BICC1: variants seen among roughly 807,000 people sequenced by gnomAD.
BICC1 encodes the protein protein bicaudal C homolog 1.
Under a neutral mutation model 111.0 loss-of-function variants are expected in BICC1, and 43 were observed. The ratio of observed to expected loss-of-function variants is 0.39; its 90% CI spans 0.30 to 0.50. The LOEUF (loss-of-function observed/expected upper bound fraction) is 0.50. Among genes scored for constraint, BICC1 ranks in the 20% least tolerant of loss-of-function variants. The pLI, the probability that BICC1 is intolerant of heterozygous loss-of-function variation, is 0.88. For missense variants in BICC1, 1,091 were observed against 1,203.2 expected (o/e 0.91, Z 1.38); for synonymous variants, 467 against 434.4 (o/e 1.07, Z -0.93).
chr10:58,514,237 C>G (rs916586123), intron 1 of BICC1, among the ~76,000 whole-genome samples: 6 of 152,170 alleles, frequency 3.9e-5, no homozygotes, highest in African/African-American at 1.4e-4. Context: ...GCTCATTTCC[C>G]ACATCCAAAG....
rs1490492362 is a variant in BICC1, at chr10:58,800,245, G to A, written c.1777G>A (p.Val593Met). 1 of 1,612,336 alleles carries A rather than the reference G, an allele frequency of 6.2e-7. No individual in the cohort carries two copies. The highest frequency in any genetic ancestry group is 1.1e-5 in the South Asian group (1 of 90,990). The part of the protein sequence containing the change: ...AISTSSLGEK[V>M]LSANHGDPSI... The stretch of plus-strand genomic sequence containing the variant: ...ATCCACTTCATCACTTGGAGAAAAA[G>A]TGCTGAGTGCAAATCACGGGGATCC... The change falls in exon 13 of 21, where the codon GTG becomes ATG. Residue 593 changes from valine to methionine, a missense_variant. Transcript: ENST00000373886.
chr10:58,571,185 GA>G (rs1843938323), intron 1 of BICC1, among the ~76,000 whole-genome samples: 1 of 152,170 alleles, frequency 6.6e-6, no homozygotes, highest in Admixed American at 6.6e-5. Context: ...GGTGTCCTAA[GA>G]ATTCAGGGAC....
intron 4 of BICC1, 97 bp downstream of exon 4, chr10:58,785,177 G>A (rs1842976010): frequency 1.6e-6 from 1 of 623,978 alleles, no homozygotes; most frequent in East Asian, 3.0e-5. Context: ...AGAAAAACCA[G>A]GAGAAAGTAA....
Position 58,829,772 on chromosome 10 carries a change from T to C in BICC1, c.*881T>C, listed in dbSNP as rs971722373. The C allele has an allele frequency of 9.2e-5, 14 of 152,216 alleles. No homozygotes were observed. Among genetic ancestry groups the C allele is most frequent in the African/African-American group, 3.1e-4 (13 of 41,462 alleles). The allele number at this position is 152,216 out of a possible 1,614,324, so 9.4% of individuals were successfully genotyped here. On this transcript the variant is annotated 3_prime_UTR_variant, in exon 21 of 21. Coordinates refer to ENST00000373886, the MANE Select transcript of BICC1 (RefSeq NM_001080512.3). The stretch of plus-strand genomic sequence containing the variant: ...TGTCTGGAGGCAAAGGGCTGTTTTT[T>C]AGTATATTGCCACTAAAGGACATTT...
At chr10:58,556,978 T>C (rs1843466368) in intron 1 of BICC1, among the ~76,000 whole-genome samples, 2 of 152,122 alleles carry the variant, frequency 1.3e-5, no homozygotes, top group Admixed American at 6.6e-5. Flanking sequence ...AATTCATGAA[T>C]GTTACCTCGC....
chr10:58,616,264 C>T (rs993723449), intron 1 of BICC1, among the ~76,000 whole-genome samples: 1 of 152,182 alleles, frequency 6.6e-6, no homozygotes, highest in Non-Finnish European at 1.5e-5. Context: ...CTGCAGGGGT[C>T]CCCCCACTGG....
chr10:58,567,909 G>A (rs1271440742), intron 1 of BICC1, among the ~76,000 whole-genome samples: 2 of 152,078 alleles, frequency 1.3e-5, no homozygotes, highest in Non-Finnish European at 2.9e-5. Flanking sequence ...AGGCTTCAAT[G>A]TTGGAAAGGG....
chr10:58,692,387 G>T (rs550275052), intron 2 of BICC1, among the ~76,000 whole-genome samples: 10 of 152,272 alleles, frequency 6.6e-5, no homozygotes, highest in Non-Finnish European at 1.0e-4. Flanking sequence ...ACTTTGCATG[G>T]CCTATGGGGA....
rs964428167 is a variant in BICC1 at position 58,512,880 on chromosome 10, C to T, written c.-264C>T. On this transcript the variant is annotated 5_prime_UTR_variant, in exon 1 of 21. Coordinates refer to ENST00000373886, the MANE Select transcript of BICC1 (RefSeq NM_001080512.3). The stretch of plus-strand genomic sequence containing the variant: ...GGCAGCGCGGCGCGCTCATTCCGCG[C>T]GGGCGTTGCTGGCGGGGGGCGGCGC... 6.8e-6 allele frequency among the ~76,000 whole-genome samples: 1 copy of T among 147,646 alleles called. No homozygotes were observed. Among genetic ancestry groups the T allele is most frequent in the African/African-American group, 2.4e-5 (1 of 40,984 alleles).
Position 58,512,878 on chromosome 10 carries a change from C to T in BICC1, c.-266C>T, listed in dbSNP as rs1842127838. On this transcript the variant is annotated 5_prime_UTR_variant, in exon 1 of 21. Transcript: ENST00000373886. ...CGGGCAGCGCGGCGCGCTCATTCCG[C>T]GCGGGCGTTGCTGGCGGGGGGCGGC... 6.8e-6 allele frequency among the ~76,000 whole-genome samples: 1 copy of T among 147,714 alleles called. No homozygotes were observed. Among genetic ancestry groups the T allele is most frequent in the African/African-American group, 2.4e-5 (1 of 40,982 alleles).
intron 17 of BICC1, among the ~76,000 whole-genome samples, chr10:58,807,974 A>G (rs1379688904): frequency 2.0e-5 from 3 of 152,148 alleles, no homozygotes; most frequent in African/African-American, 7.2e-5. Context: ...GGGTTTCATA[A>G]TTGTTAGTCT....
In BICC1 at chr10:58,800,202, T is replaced by C; in HGVS notation, c.1734T>C (p.Asp578=). The C allele has an allele frequency of 6.3e-7, 1 of 1,597,350 alleles. No individual in the cohort carries two copies. Among genetic ancestry groups the C allele is most frequent in the Middle Eastern group, 1.7e-4 (1 of 5,984 alleles). ...AALNGHAQSP[D]IKYGAISTSS... ...TTCTATTATTATTTTAGTCTCCAGA[T>C]ATAAAATATGGTGCAATATCCACTT... is the stretch of plus-strand genomic sequence containing the variant. Residue 578 remains aspartate (D), a synonymous_variant, in exon 13 of 21, where the codon GAT becomes GAC. Transcript: ENST00000373886.
intron 1 of BICC1, among the ~76,000 whole-genome samples, chr10:58,517,729 C>T (rs1365741): frequency 0.54 from 82,073 of 151,946 alleles, 23,228 homozygotes; most frequent in African/African-American, 0.71. Flanking sequence ...CATCACTTGG[C>T]GACCTCATTT....
intron 1 of BICC1, among the ~76,000 whole-genome samples, chr10:58,531,283 A>G (rs1251271436): frequency 6.6e-6 from 1 of 151,842 alleles, no homozygotes; most frequent in Non-Finnish European, 1.5e-5. Context: ...AGTACTGCAA[A>G]CAGACACCAG....
At chr10:58,651,217 C>T (rs1162343743) in intron 2 of BICC1, among the ~76,000 whole-genome samples, 1 of 152,172 alleles carries the variant, frequency 6.6e-6, no homozygotes, top group East Asian at 1.9e-4. Context: ...ACTTCCTCTG[C>T]ACAGTGAGAT....
At chr10:58,685,831 G>C (rs1839705459) in intron 2 of BICC1, among the ~76,000 whole-genome samples, 2 of 152,174 alleles carry the variant, frequency 1.3e-5, no homozygotes, top group Non-Finnish European at 2.9e-5. Context: ...TTGCCAGTCT[G>C]TGTCTTTTAA....
At chr10:58,798,177 C>G (rs1432879577) in intron 10 of BICC1, among the ~76,000 whole-genome samples, 3 of 152,162 alleles carry the variant, frequency 2.0e-5, no homozygotes, top group African/African-American at 4.8e-5. Context: ...CACCTATCTT[C>G]CATTTTCTGA....
intron 3 of BICC1, among the ~76,000 whole-genome samples, chr10:58,782,062 A>G (rs1023587935): frequency 2.0e-5 from 3 of 152,038 alleles, no homozygotes; most frequent in Admixed American, 6.5e-5. Context: ...GATAATTTAT[A>G]TTTTTGGTCA....
intron 20 of BICC1, among the ~76,000 whole-genome samples, chr10:58,825,820 A>T (rs1016431591): frequency 6.6e-6 from 1 of 152,178 alleles, no homozygotes; most frequent in Admixed American, 6.5e-5. Context: ...AATACCATAG[A>T]CCTTGAATAA....
Sources: allele counts gnomAD v4.1 joint callset (sites outside exome capture counted in the v4.1 genomes callset), GRCh38; gene constraint gnomAD v4.1.1; transcripts MANE v1.5; gene names NCBI Gene and HGNC (gene_info 2026-07-23, HGNC 2026-07-21).